Variants in ZNF704 observed in about 807,000 individuals in gnomAD.
ZNF704 encodes the protein glucocorticoid induced gene 1.
In ZNF704, 10 loss-of-function variants were observed where a neutral mutation model predicts 44.7. The observed-to-expected ratio is 0.22, with a 90% confidence interval of 0.14 to 0.38. The LOEUF (loss-of-function observed/expected upper bound fraction) is 0.38, where lower values mean the gene tolerates loss of function less well. Ranked by LOEUF, ZNF704 falls within the 10% of genes least tolerant of loss-of-function variation. The probability of loss-of-function intolerance (pLI) is 1.00; values close to 1 mark genes in which losing one functional copy is unlikely to be tolerated. For synonymous variants in ZNF704, 211 were observed against 207.6 expected, an observed-to-expected ratio of 1.02 and a Z score of -0.14; for missense variants, 390 against 545.5, an observed-to-expected ratio of 0.71 and a Z score of 2.84.
chr8:80,676,601 T>G (rs73691973), intron 4 of ZNF704, among the ~76,000 whole-genome samples: 17,169 of 152,164 alleles, frequency 0.11, 3,265 homozygotes, highest in African/African-American at 0.39. Flanking sequence ...TCAGAACTGA[T>G]GACAAAGAGG....
the ZNF704 span, among the ~76,000 whole-genome samples, chr8:80,880,605 A>G: frequency 1.3e-5 from 2 of 152,216 alleles, no homozygotes; most frequent in Non-Finnish European, 2.9e-5. Flanking sequence ...ATGGTGGTAT[A>G]TAACTTGTAG....
rs534945599 is a variant in ZNF704, at chr8:80,760,063, G to A, written c.221+61311C>T. On this transcript the variant is annotated intron_variant, in intron 2 of 8. Coordinates refer to ENST00000327835, the MANE Select transcript of ZNF704 (RefSeq NM_001033723.3). ...TGAACCATTGCATCCAGCCCTGGCT[G>A]ACACTTTAACTTTAGGCCCATGAGA... Among the ~76,000 whole-genome samples, 6 of 152,284 alleles carry A rather than the reference G, an allele frequency of 3.9e-5. No homozygotes were observed. In the South Asian group the frequency reaches 1.2e-3, roughly 32 times the overall value.
At chr8:80,644,162 G>C (rs568064727) in intron 7 of ZNF704, among the ~76,000 whole-genome samples, 11 of 152,276 alleles carry the variant, frequency 7.2e-5, no homozygotes, top group African/African-American at 2.6e-4. Context: ...TACAGATTAG[G>C]AGACTAAGGC....
intron 4 of ZNF704, among the ~76,000 whole-genome samples, chr8:80,672,320 G>T (rs1054472297): frequency 1.3e-5 from 2 of 152,214 alleles, no homozygotes; most frequent in Admixed American, 1.3e-4. Flanking sequence ...CTGGTGACGG[G>T]AGTGTGAATT....
intron 2 of ZNF704, among the ~76,000 whole-genome samples, chr8:80,816,035 T>C (rs147841512): frequency 9.2e-4 from 140 of 152,354 alleles, no homozygotes; most frequent in African/African-American, 3.1e-3. Context: ...CTTTGTTAAA[T>C]CAGCCAGAGT....
At chr8:80,669,247 G>A (rs911553157) in intron 5 of ZNF704, among the ~76,000 whole-genome samples, 5 of 152,196 alleles carry the variant, frequency 3.3e-5, no homozygotes, top group African/African-American at 1.2e-4. Flanking sequence ...TAAAAAAACT[G>A]AGCTGCTTAC....
chr8:80,733,694 C>T (rs1266469267), intron 2 of ZNF704, among the ~76,000 whole-genome samples: 2 of 152,290 alleles, frequency 1.3e-5, no homozygotes, highest in African/African-American at 4.8e-5. Context: ...CTCAGCTTCT[C>T]GGTTACCTCT....
At chr8:80,668,740 C>T (rs928132849) in intron 5 of ZNF704, among the ~76,000 whole-genome samples, 8 of 152,178 alleles carry the variant, frequency 5.3e-5, no homozygotes, top group African/African-American at 1.9e-4. Context: ...GGCATATTTT[C>T]TTCTGGCTTT....
chr8:80,707,570 C>G (rs978859540), intron 2 of ZNF704, among the ~76,000 whole-genome samples: 5 of 152,132 alleles, frequency 3.3e-5, no homozygotes, highest in Admixed American at 2.6e-4. Context: ...TAGGTTGAAC[C>G]ATATGAAATT....
At chr8:80,821,242 T>C (rs575765859) in intron 2 of ZNF704, 132 bp downstream of exon 2, 35 of 930,380 alleles carry the variant, frequency 3.8e-5, no homozygotes, top group Admixed American at 7.2e-5. Context: ...ACACAAGCAA[T>C]AGAAAAAATT....
intron 2 of ZNF704, among the ~76,000 whole-genome samples, chr8:80,703,230 A>G (rs1400806744): frequency 6.6e-6 from 1 of 151,890 alleles, no homozygotes; most frequent in African/African-American, 2.4e-5. Flanking sequence ...ACCTGTGAAT[A>G]AGCTGTGCCC....
chr8:80,842,510 T>C (rs1026347182), intron 1 of ZNF704, among the ~76,000 whole-genome samples: 1 of 151,924 alleles, frequency 6.6e-6, no homozygotes, highest in Admixed American at 6.6e-5. Flanking sequence ...AGAAGTAATA[T>C]TGGGAGAGAA....
At chr8:80,868,986 G>A (rs1401447743) in intron 1 of ZNF704, among the ~76,000 whole-genome samples, 1 of 152,204 alleles carries the variant, frequency 6.6e-6, no homozygotes, top group African/African-American at 2.4e-5. Flanking sequence ...TGTAATGCAT[G>A]TGGGTGCCAC....
upstream of ZNF704, among the ~76,000 whole-genome samples, chr8:80,878,900 G>T (rs1271389605): frequency 6.6e-6 from 1 of 152,028 alleles, no homozygotes; most frequent in East Asian, 1.9e-4. Context: ...TACTATTTCA[G>T]TAGGTGCAAT....
intron 4 of ZNF704, among the ~76,000 whole-genome samples, chr8:80,680,961 A>G (rs543151758): frequency 6.6e-6 from 1 of 152,290 alleles, no homozygotes; most frequent in African/African-American, 2.4e-5. Flanking sequence ...AAATGGAATA[A>G]CCCAGAATGT....
Position 80,667,936 on chromosome 8 carries a change from T to C in ZNF704, c.659+2567A>G, listed in dbSNP as rs549425859. ...TAAATATAGGGTGCTTAGAAGCAGA[T>C]CTTACACAATATAAACACTACGTAA... On this transcript the variant is annotated intron_variant, in intron 5 of 8. Coordinates refer to ENST00000327835, the MANE Select transcript of ZNF704 (RefSeq NM_001033723.3). Among the ~76,000 whole-genome samples the C allele has an allele frequency of 7.9e-5, 12 of 152,266 alleles. No individual in the cohort carries two copies. The East Asian group carries it at 2.3e-3, about 29-fold the overall frequency.
At chr8:80,872,722 T>C (rs770290172) in intron 1 of ZNF704, among the ~76,000 whole-genome samples, 5 of 152,152 alleles carry the variant, frequency 3.3e-5, no homozygotes, top group Non-Finnish European at 4.4e-5. Context: ...ATAAACCCCT[T>C]ATCTCCTGAA....
At chr8:80,647,101 T>C (rs1028186507) in intron 7 of ZNF704, among the ~76,000 whole-genome samples, 19 of 152,230 alleles carry the variant, frequency 1.2e-4, no homozygotes, top group African/African-American at 4.3e-4. Flanking sequence ...ATTCTGAGGA[T>C]ATAGCTGTGA....
At position 80,821,586 on chromosome 8, in the gene ZNF704, G is replaced by A. The variant is rs1450388500; in HGVS notation, c.9C>T (p.Phe3=). 1.2e-5 allele frequency: 19 copies of A among 1,613,198 alleles called. No homozygotes were observed. Among genetic ancestry groups the A allele is most frequent in the Non-Finnish European group, 1.6e-5 (19 of 1,179,836 alleles). The change falls in exon 2 of 9, where the codon TTC becomes TTT. Residue 3 remains phenylalanine (F), a synonymous_variant. Coordinates refer to ENST00000327835, the MANE Select transcript of ZNF704 (RefSeq NM_001033723.3). ...GTTTTAAGTCCTCTGACTGAAATGTGAAGGTCATTTCCCGCTTAATGCTCC... is the reference window on the plus strand; with the variant it reads ...GTTTTAAGTCCTCTGACTGAAATGTAAAGGTCATTTCCCGCTTAATGCTCC... MT[F]TFQSEDLKRD... is the part of the protein sequence containing the mutation.
Sources: allele counts gnomAD v4.1 joint callset (sites outside exome capture counted in the v4.1 genomes callset), GRCh38; gene constraint gnomAD v4.1.1; transcripts MANE v1.5; gene names NCBI Gene and HGNC (gene_info 2026-07-23, HGNC 2026-07-21).